The following LRRK1 variants were observed in gnomAD, a reference collection of about 807,000 sequenced individuals.
LRRK1 encodes leucine-rich repeat serine/threonine-protein kinase 1.
A neutral mutation model predicts 209.1 loss-of-function variants in LRRK1; 113 were observed. That is an observed-to-expected ratio of 0.54 (90% CI 0.46 to 0.63). The LOEUF (loss-of-function observed/expected upper bound fraction) is 0.63, where lower values mean the gene tolerates loss of function less well. Among genes scored for constraint, LRRK1 ranks in the 30% least tolerant of loss-of-function variants. LRRK1 has a pLI of 0.00. For synonymous variants in LRRK1, 1,144 were observed against 1,099.7 expected (o/e 1.04, Z -0.80); for missense variants, 2,284 against 2,632.2 (o/e 0.87, Z 2.89).
intron 2 of LRRK1, among the ~76,000 whole-genome samples, chr15:100,965,211 GT>G (rs1169309398): frequency 6.6e-6 from 1 of 152,142 alleles, no homozygotes; most frequent in African/African-American, 2.4e-5. Flanking sequence ...AGAATAATTT[GT>G]TTTTTCTGAA....
At chr15:100,987,679 A>C (rs1009099242) in intron 4 of LRRK1, among the ~76,000 whole-genome samples, 3 of 152,234 alleles carry the variant, frequency 2.0e-5, no homozygotes, top group African/African-American at 7.2e-5. Flanking sequence ...GGCACTTGAC[A>C]TGCATTTTGT....
At chr15:101,048,004 GT>G (rs2035182691) in intron 21 of LRRK1, among the ~76,000 whole-genome samples, 1 of 151,950 alleles carries the variant, frequency 6.6e-6, no homozygotes, top group African/African-American at 2.4e-5. Flanking sequence ...TTTTATGTGT[GT>G]TTTTAATGGC....
intron 20 of LRRK1, among the ~76,000 whole-genome samples, chr15:101,034,858 C>G (rs2034433888): frequency 6.6e-6 from 1 of 150,486 alleles, no homozygotes; most frequent in Non-Finnish European, 1.5e-5. Flanking sequence ...TTTTTTTTTC[C>G]TAGGCTTTGC....
chr15:101,047,313 T>C (rs570012487), intron 21 of LRRK1, among the ~76,000 whole-genome samples: 2 of 152,116 alleles, frequency 1.3e-5, no homozygotes, highest in African/African-American at 2.4e-5. Flanking sequence ...GGGAGGGAGA[T>C]GGGTTAATAG....
At chr15:100,970,079 G>T (rs1451393467) in intron 2 of LRRK1, among the ~76,000 whole-genome samples, 1 of 152,048 alleles carries the variant, frequency 6.6e-6, no homozygotes, top group Non-Finnish European at 1.5e-5. Context: ...TAGTAGAGAC[G>T]GGGTTTCACC....
At position 100,919,910 on chromosome 15, in the gene LRRK1, T is replaced by A. The variant is rs1339009606; in HGVS notation, c.-123+459T>A. 6.6e-6 allele frequency: 1 copy of A among 152,398 alleles called. No individual in the cohort carries two copies. The highest frequency in any genetic ancestry group is 1.5e-5 in the Non-Finnish European group (1 of 68,310). 9.4% of individuals were successfully genotyped at this position (152,398 alleles called of 1,614,324 possible). A position where few individuals can be genotyped will look rare whatever the true frequency, so the allele number is the denominator to read the frequency against. On this transcript the variant is annotated intron_variant, in intron 1 of 33. Transcript: ENST00000388948. This position sits in a 1 kb window ranked among gnomAD's most constrained non-coding sequence, Gnocchi z 5.8. ...GAGTGTGAGCGCGCGGGTGAGCCCG[T>A]GCCGGGGTGTCGGCAAGAGACCGCC...
chr15:101,062,235 G>A (rs2036229276), intron 30 of LRRK1: 1 of 236,216 alleles, frequency 4.2e-6, no homozygotes, highest in Non-Finnish European at 8.3e-6. Flanking sequence ...ACAGTGAGAA[G>A]ACAGCATTGC....
At chr15:100,975,625 G>A (rs1193707762) in intron 3 of LRRK1, among the ~76,000 whole-genome samples, 1 of 152,168 alleles carries the variant, frequency 6.6e-6, no homozygotes, top group East Asian at 1.9e-4. Flanking sequence ...ATACATCTGT[G>A]TTTTCATAAA....
At position 100,981,202 on chromosome 15, in the gene LRRK1, G is replaced by C. The variant is rs147529816; in HGVS notation, c.262-2326G>C. On this transcript the variant is annotated intron_variant, in intron 3 of 33. Coordinates refer to ENST00000388948, the MANE Select transcript of LRRK1 (RefSeq NM_024652.6). ...CAGCTTTCACCTTTTCCACTGTCTG[G>C]GTCCCTCTTGGCCTTGGGCTGGCTC... Among the ~76,000 whole-genome samples, 160 of 152,164 alleles carry C rather than the reference G, an allele frequency of 1.1e-3. 1 individual carries two copies. The highest frequency in any genetic ancestry group is 3.8e-3 in the African/African-American group (156 of 41,470).
At chr15:100,950,917 C>A (rs957138367) in intron 2 of LRRK1, among the ~76,000 whole-genome samples, 7 of 152,104 alleles carry the variant, frequency 4.6e-5, no homozygotes, top group South Asian at 2.1e-4. Context: ...TCCTGGCTAA[C>A]ACGGTGAAAC....
In LRRK1 at chr15:101,056,391, A is replaced by C. The variant is rs574557763; in HGVS notation, c.4333-465A>C. On this transcript the variant is annotated intron_variant, in intron 27 of 33. Coordinates refer to ENST00000388948, the MANE Select transcript of LRRK1 (RefSeq NM_024652.6). ...AGTCCTTAATCAGTGACTAACAGCA[A>C]GTTCTCAGTGTGTTTTATTGGATGG... is the stretch of plus-strand genomic sequence containing the variant. Among the ~76,000 whole-genome samples the C allele has an allele frequency of 3.9e-5, 6 of 152,286 alleles. No homozygotes were observed. The East Asian group carries it at 1.2e-3, about 29-fold the overall frequency.
intron 30 of LRRK1, among the ~76,000 whole-genome samples, chr15:101,061,989 C>A (rs1477803896): frequency 6.6e-6 from 1 of 152,224 alleles, no homozygotes; most frequent in Non-Finnish European, 1.5e-5. Flanking sequence ...GCCTTGCGTA[C>A]CACTTAAGCC....
chr15:101,037,060 C>T (rs1448337988), intron 20 of LRRK1, among the ~76,000 whole-genome samples: 1 of 152,154 alleles, frequency 6.6e-6, no homozygotes, highest in Non-Finnish European at 1.5e-5. Context: ...TTAGAGGGTC[C>T]AGACAGGCCT....
intron 2 of LRRK1, 136 bp from the exon 3 acceptor site, chr15:100,973,668 G>T: frequency 1.1e-6 from 1 of 909,622 alleles, no homozygotes; most frequent in Non-Finnish European, 1.4e-6. Flanking sequence ...GCGTCGCGGG[G>T]CCACCCCTCT....
chr15:100,941,751 C>T (rs1481833990), intron 2 of LRRK1, among the ~76,000 whole-genome samples: 2 of 152,174 alleles, frequency 1.3e-5, no homozygotes, highest in Non-Finnish European at 2.9e-5. Context: ...GCATGGCTTC[C>T]GGGTGGTGGG....
chr15:100,952,538 G>C (rs2042675116), intron 2 of LRRK1, among the ~76,000 whole-genome samples: 2 of 152,160 alleles, frequency 1.3e-5, no homozygotes, highest in South Asian at 2.1e-4. Context: ...TAACGGATCT[G>C]ATCATATATT....
At position 101,074,124 on chromosome 15, in the gene LRRK1, C is replaced by G. The variant is rs888574831; in HGVS notation, c.*5276C>G. The G allele has an allele frequency of 4.6e-5, 7 of 152,000 alleles. No individual in the cohort carries two copies. Among genetic ancestry groups the G allele is most frequent in the African/African-American group, 1.7e-4 (7 of 41,426 alleles). 9.4% of individuals were successfully genotyped at this position (152,000 alleles called of 1,614,324 possible). ...CATCCCAAATCTTCCTTCTTTCCCT[C>G]CCGCCTGTCTCCTCAGTCCCAACCC... On this transcript the variant is annotated 3_prime_UTR_variant, in exon 34 of 34. Transcript: ENST00000388948.
At chr15:101,011,985 T>A (rs2033272376) in intron 9 of LRRK1, 23 bp from the exon 10 acceptor site, 1 of 1,565,630 alleles carries the variant, frequency 6.4e-7, no homozygotes, top group African/African-American at 1.4e-5. Context: ...AATATACATT[T>A]TTTTTTCTCG....
intron 22 of LRRK1, among the ~76,000 whole-genome samples, chr15:101,048,918 G>A (rs1007387510): frequency 6.6e-6 from 1 of 152,198 alleles, no homozygotes; most frequent in African/African-American, 2.4e-5. Context: ...CTTGAGGGAC[G>A]TGGCGGCCAT....
Sources: gnomAD v4.1 joint callset for allele counts (sites outside exome capture counted in the v4.1 genomes callset) on GRCh38, gnomAD v4.1.1 for gene constraint, Gnocchi (gnomAD v3.1) non-coding constraint, MANE v1.5 for transcripts, NCBI Gene and HGNC (gene_info 2026-07-23, HGNC 2026-07-21) for gene names.